IQCJ: variants seen among roughly 807,000 people sequenced by gnomAD.
IQCJ encodes the protein IQ motif containing J.
Under a neutral mutation model 11.0 loss-of-function variants are expected in IQCJ, and 9 were observed. The ratio of observed to expected loss-of-function variants is 0.82; its 90% CI spans 0.49 to 1.43. IQCJ has a LOEUF of 1.43. Ranked by LOEUF, IQCJ falls within the 40% of genes most tolerant of loss-of-function variation. The pLI is 0.00. For synonymous variants in IQCJ, 55 were observed against 51.3 expected, an observed-to-expected ratio of 1.07 and a Z score of -0.31; for missense variants, 146 against 133.2, an observed-to-expected ratio of 1.10 and a Z score of -0.47.
At chr3:159,158,379 A>G (rs753261071) in intron 1 of IQCJ, among the ~76,000 whole-genome samples, 3 of 152,186 alleles carry the variant, frequency 2.0e-5, no homozygotes, top group Non-Finnish European at 4.4e-5. Flanking sequence ...GATGAAGAAC[A>G]ATTACTCAGA....
intron 1 of IQCJ, among the ~76,000 whole-genome samples, chr3:159,197,616 A>C (rs887016601): frequency 9.2e-5 from 14 of 152,162 alleles, no homozygotes; most frequent in Admixed American, 8.5e-4. Context: ...ATGCAAATAA[A>C]AAGTCTAGTT....
At chr3:159,239,914 A>G (rs1373890759) in intron 1 of IQCJ, among the ~76,000 whole-genome samples, 4 of 152,244 alleles carry the variant, frequency 2.6e-5, no homozygotes, top group Admixed American at 6.5e-5. Flanking sequence ...AGTAAGCTAT[A>G]CCATCTAGGT....
intron 3 of IQCJ, among the ~76,000 whole-genome samples, chr3:159,253,085 C>T (rs897695563): frequency 2.0e-5 from 3 of 152,118 alleles, no homozygotes; most frequent in African/African-American, 7.2e-5. Context: ...CTAGCATTTT[C>T]CTTTGCCTTT....
At chr3:159,190,266 A>C (rs939497925) in intron 1 of IQCJ, among the ~76,000 whole-genome samples, 1 of 152,202 alleles carries the variant, frequency 6.6e-6, no homozygotes, top group African/African-American at 2.4e-5. Context: ...TTCTCTCAGC[A>C]TATAATCAAG....
At chr3:159,110,027 A>G (rs1055255666) in intron 1 of IQCJ, among the ~76,000 whole-genome samples, 2 of 152,196 alleles carry the variant, frequency 1.3e-5, no homozygotes, top group African/African-American at 2.4e-5. Context: ...GTATTTTAGC[A>G]ATCAGATGTG....
intron 1 of IQCJ, among the ~76,000 whole-genome samples, chr3:159,239,478 A>G (rs1726780634): frequency 6.6e-6 from 1 of 152,248 alleles, no homozygotes; most frequent in African/African-American, 2.4e-5. Flanking sequence ...AAAAAATAGA[A>G]GAAAGCATAC....
intron 1 of IQCJ, among the ~76,000 whole-genome samples, chr3:159,208,320 C>T (rs1255942303): frequency 6.6e-6 from 1 of 152,184 alleles, no homozygotes; most frequent in Non-Finnish European, 1.5e-5. Flanking sequence ...TACTCTCTCT[C>T]CCTCTGTCGA....
At chr3:159,080,201 A>G (rs1576989393) in intron 1 of IQCJ, among the ~76,000 whole-genome samples, 1 of 152,282 alleles carries the variant, frequency 6.6e-6, no homozygotes, top group East Asian at 1.9e-4. Flanking sequence ...CATGATCAGT[A>G]GAATAAACTT....
At chr3:159,174,838 TATGTCATACATTCTTGTACA>T in intron 1 of IQCJ, among the ~76,000 whole-genome samples, 1 of 152,206 alleles carries the variant, frequency 6.6e-6, no homozygotes, top group Non-Finnish European at 1.5e-5. Context: ...TGATAATGCA[TATGTCATACATTCTTGTACA>T]TATCTCACCA....
intron 1 of IQCJ, among the ~76,000 whole-genome samples, chr3:159,233,212 G>A (rs1726369005): frequency 6.6e-6 from 1 of 152,090 alleles, no homozygotes; most frequent in African/African-American, 2.4e-5. Flanking sequence ...AAGTCGGTTG[G>A]GGATGGAAAG....
chr3:159,169,520 C>T (rs1722377921), intron 1 of IQCJ, among the ~76,000 whole-genome samples: 1 of 151,708 alleles, frequency 6.6e-6, no homozygotes, highest in African/African-American at 2.4e-5. Context: ...AAACTACTGA[C>T]CTCAGGTAAT....
intron 1 of IQCJ, among the ~76,000 whole-genome samples, chr3:159,192,378 C>T (rs764016192): frequency 8.5e-5 from 13 of 152,162 alleles, no homozygotes; most frequent in Non-Finnish European, 1.6e-4. Flanking sequence ...TCCAGTCCCT[C>T]ATACTCTGAG....
intron 1 of IQCJ, among the ~76,000 whole-genome samples, chr3:159,081,554 G>A (rs1023793405): frequency 3.3e-5 from 5 of 152,100 alleles, no homozygotes; most frequent in Non-Finnish European, 5.9e-5. Context: ...TTTTCTAGAT[G>A]GTTTTATTTT....
intron 1 of IQCJ, among the ~76,000 whole-genome samples, chr3:159,197,659 G>T (rs897922471): frequency 1.3e-5 from 2 of 152,004 alleles, no homozygotes; most frequent in African/African-American, 4.8e-5. Context: ...CAGAACAAAG[G>T]GTCACAAACT....
At chr3:159,158,327 G>T (rs779387147) in intron 1 of IQCJ, among the ~76,000 whole-genome samples, 7 of 152,184 alleles carry the variant, frequency 4.6e-5, no homozygotes, top group Admixed American at 1.3e-4. Flanking sequence ...AGCCCTGTAG[G>T]AGGCAGAACA....
chr3:159,247,486 A>G lies in IQCJ; in HGVS notation c.74+1579A>G, dbSNP rs138622032. On this transcript the variant is annotated intron_variant, in intron 2 of 3. Transcript: ENST00000397832. ...AATAGTTAGTTTTGATGAAGAATGG[A>G]CAGCCCTGTAGAAATGTGATTGGAC... Among the ~76,000 whole-genome samples the G allele has an allele frequency of 6.2e-3, 942 of 152,310 alleles. 5 individuals carry two copies. Among genetic ancestry groups the G allele is most frequent in the African/African-American group, 0.022 (898 of 41,566 alleles).
At chr3:159,194,751 T>C (rs976042650) in intron 1 of IQCJ, among the ~76,000 whole-genome samples, 1 of 152,192 alleles carries the variant, frequency 6.6e-6, no homozygotes, top group Non-Finnish European at 1.5e-5. Context: ...TTGTGAACCA[T>C]GCAAGCTTCC....
chr3:159,106,893 A>AATGTAT (rs1423632573), intron 1 of IQCJ, among the ~76,000 whole-genome samples: 2 of 152,116 alleles, frequency 1.3e-5, no homozygotes, highest in African/African-American at 4.8e-5. Flanking sequence ...ACTTAAAGCT[A>AATGTAT]ATGTATATGC....
chr3:159,112,499 A>T (rs1014924380), intron 1 of IQCJ, among the ~76,000 whole-genome samples: 1 of 152,216 alleles, frequency 6.6e-6, no homozygotes, highest in Non-Finnish European at 1.5e-5. Context: ...TTGGACATAT[A>T]GAACTAATAC....
Sources: allele counts gnomAD v4.1 joint callset (sites outside exome capture counted in the v4.1 genomes callset), GRCh38; gene constraint gnomAD v4.1.1; transcripts MANE v1.5; gene names NCBI Gene and HGNC (gene_info 2026-07-23, HGNC 2026-07-21).